Variants in NOTUM observed in about 807,000 individuals in gnomAD.
NOTUM encodes notum, palmitoleoyl-protein carboxylesterase, also known as palmitoleoyl-protein carboxylesterase NOTUM.
A neutral mutation model predicts 65.5 loss-of-function variants in NOTUM; 36 were observed. The observed-to-expected ratio is 0.55, with a 90% confidence interval of 0.42 to 0.73. The LOEUF is 0.73. NOTUM is among the 30% of genes least tolerant of loss of function. The pLI, the probability that NOTUM is intolerant of heterozygous loss-of-function variation, is 0.00. For missense variants in NOTUM, 659 were observed against 694.2 expected (o/e 0.95, Z 0.57); for synonymous variants, 356 against 297.9 (o/e 1.20, Z -2.01).
chr17:81,959,383 G>A, intron 3 of NOTUM, 88 bp downstream of exon 3: 1 of 1,021,450 alleles, frequency 9.8e-7, no homozygotes, highest in Non-Finnish European at 1.4e-6. Context: ...GATGTGCGGG[G>A]TGGGGGCCTG....
intron 5 of NOTUM, 140 bp downstream of exon 5, chr17:81,958,195 G>A (rs539690893): frequency 1.3e-5 from 9 of 671,618 alleles, no homozygotes; most frequent in South Asian, 1.0e-4. Context: ...GGCTTTGAAA[G>A]CACGACAAGG....
chr17:81,956,891 A>G lies in NOTUM; in HGVS notation c.879T>C (p.Arg293=). ...CCTCCCCGCTGCGGCACCTGATGCC[A>G]CGGCGGATGGCCTCCGTGGGCGCGC... ...ITCAPTEAIR[R]GIRYWNGVVP... is the part of the protein sequence containing the mutation. The change falls in exon 7 of 11, where the codon CGT becomes CGC. Residue 293 remains arginine (R), a synonymous_variant. Coordinates refer to ENST00000409678, the MANE Select transcript of NOTUM (RefSeq NM_178493.6). The G allele has an allele frequency of 1.2e-6, 2 of 1,609,908 alleles. No individual in the cohort carries two copies. The highest frequency in any genetic ancestry group is 1.7e-6 in the Non-Finnish European group (2 of 1,178,792).
rs2041396672 is a variant in NOTUM, at chr17:81,952,773, C to G, written c.*188G>C. 1.6e-6 allele frequency: 1 copy of G among 607,070 alleles called. No individual in the cohort carries two copies. Among genetic ancestry groups the G allele is most frequent in the African/African-American group, 1.8e-5 (1 of 54,152 alleles). The allele number at this position is 607,070 out of a possible 1,614,324, so 37.6% of individuals were successfully genotyped here. The stretch of plus-strand genomic sequence containing the variant: ...ATGGGGATGACAGCAGGTCCCTTGT[C>G]TCTGGCTGGGCTGTGGGAGAGGGGC... On this transcript the variant is annotated 3_prime_UTR_variant, in exon 11 of 11. Transcript: ENST00000409678.
rs976615367 is a variant in NOTUM at position 81,960,453 on chromosome 17, C to T, written c.323+134G>A. ...GAGAGTCACCGAACCGGGCACTCCT[C>T]GGGGCCAGGACCGCGGGGCGCCCGA... On this transcript the variant is annotated intron_variant, in intron 1 of 10. Transcript: ENST00000409678. This position sits in a 1 kb window ranked among gnomAD's most constrained non-coding sequence, Gnocchi z 6.4. 11 of 594,610 alleles carry T rather than the reference C, an allele frequency of 1.8e-5. No homozygotes were observed. The highest frequency in any genetic ancestry group is 2.8e-5 in the Non-Finnish European group (10 of 362,980). The allele number at this position is 594,610 out of a possible 1,614,324, so 36.8% of individuals were successfully genotyped here.
chr17:81,956,190 G>A (rs1007125762), intron 8 of NOTUM, among the ~76,000 whole-genome samples: 5 of 152,162 alleles, frequency 3.3e-5, no homozygotes, highest in South Asian at 4.1e-4. Flanking sequence ...GGTTCTCAGC[G>A]ACTCCACTTT....
At position 81,952,867 on chromosome 17, in the gene NOTUM, A is replaced by G; in HGVS notation, c.*94T>C. 8.7e-7 allele frequency: 1 copy of G among 1,149,904 alleles called. No individual in the cohort carries two copies. Among genetic ancestry groups the G allele is most frequent in the Non-Finnish European group, 1.3e-6 (1 of 786,148 alleles). 71.2% of individuals were successfully genotyped at this position (1,149,904 alleles called of 1,614,324 possible). On this transcript the variant is annotated 3_prime_UTR_variant, in exon 11 of 11. Coordinates refer to ENST00000409678, the MANE Select transcript of NOTUM (RefSeq NM_178493.6). The stretch of plus-strand genomic sequence containing the variant: ...GGGGACGGCTGGGGCCCTGTCCCGA[A>G]GAGACGGGAGGGCCTGCTGGTGGGG...
intron 8 of NOTUM, 124 bp from the exon 9 acceptor site, chr17:81,955,668 C>T (rs2041427537): frequency 1.2e-6 from 1 of 864,280 alleles, no homozygotes; most frequent in African/African-American, 1.9e-5. Flanking sequence ...CTCAGCACCC[C>T]CAGGCCCCTG....
rs562759519 is a variant in NOTUM, at chr17:81,960,264, C to T, written c.323+323G>A. On this transcript the variant is annotated intron_variant, in intron 1 of 10. Coordinates refer to ENST00000409678, the MANE Select transcript of NOTUM (RefSeq NM_178493.6). This position sits in a 1 kb window ranked among gnomAD's most constrained non-coding sequence, Gnocchi z 6.4. ...TGGGCAGCGGGCCTCTCCCCGCCCC[C>T]CGGTGTCGCCGGTTCCCGCTGGAGC... Among the ~76,000 whole-genome samples the T allele has an allele frequency of 6.6e-6, 1 of 152,310 alleles. No individual in the cohort carries two copies. The highest frequency in any genetic ancestry group is 2.1e-4 in the South Asian group (1 of 4,826).
At chr17:81,956,168 T>C (rs2041431925) in intron 8 of NOTUM, among the ~76,000 whole-genome samples, 1 of 152,216 alleles carries the variant, frequency 6.6e-6, no homozygotes, top group African/African-American at 2.4e-5. Flanking sequence ...AACCCCTCCA[T>C]GACCTTGGCC....
At chr17:81,959,173 C>CG (rs2041455516) in intron 3 of NOTUM, 178 bp from the exon 4 acceptor site, 1 of 635,888 alleles carries the variant, frequency 1.6e-6, no homozygotes, top group African/African-American at 1.8e-5. Context: ...TAGTTACCCC[C>CG]GGGAAGCCAC....
Position 81,960,990 on chromosome 17 carries a change from C to T in NOTUM, c.-81G>A. The T allele has an allele frequency of 1.3e-6, 1 of 747,732 alleles. No individual in the cohort carries two copies. The highest frequency in any genetic ancestry group is 1.7e-6 in the Non-Finnish European group (1 of 576,530). The allele number at this position is 747,732 out of a possible 1,614,324, so 46.3% of individuals were successfully genotyped here. On this transcript the variant is annotated 5_prime_UTR_variant, in exon 1 of 11. Coordinates refer to ENST00000409678, the MANE Select transcript of NOTUM (RefSeq NM_178493.6). This position sits in a 1 kb window ranked among gnomAD's most constrained non-coding sequence, Gnocchi z 6.4. Reference sequence around the variant, plus strand: ...GGGATGCCGGGCCGGGGGTGCCGGGCCGGGGGTGTCGGGGGCACTGGCCGC... The same window carrying T: ...GGGATGCCGGGCCGGGGGTGCCGGGTCGGGGGTGTCGGGGGCACTGGCCGC...
Position 81,952,848 on chromosome 17 carries a change from G to A in NOTUM, c.*113C>T, listed in dbSNP as rs557959553. 2.3e-5 allele frequency: 22 copies of A among 949,948 alleles called. No individual in the cohort carries two copies. Among genetic ancestry groups the A allele is most frequent in the Middle Eastern group, 2.7e-4 (1 of 3,656 alleles). The allele number at this position is 949,948 out of a possible 1,614,324, so 58.8% of individuals were successfully genotyped here. ...GTGGGCAGACCCAGACAGGGGGGACGGCTGGGGCCCTGTCCCGAAGAGACG... is the reference window on the plus strand; with the variant it reads ...GTGGGCAGACCCAGACAGGGGGGACAGCTGGGGCCCTGTCCCGAAGAGACG... On this transcript the variant is annotated 3_prime_UTR_variant, in exon 11 of 11. Coordinates refer to ENST00000409678, the MANE Select transcript of NOTUM (RefSeq NM_178493.6).
Position 81,957,090 on chromosome 17 carries a change from G to A in NOTUM, c.696-16C>T. ...GCCCCCCGCGCTGCAAGGAGGGCCA[G>A]ACGTGAGGCCAGGTGGCTGGGAAGA... On this transcript the variant is annotated splice_polypyrimidine_tract_variant and intron_variant, in intron 6 of 10. Coordinates refer to ENST00000409678, the MANE Select transcript of NOTUM (RefSeq NM_178493.6). 6.3e-7 allele frequency: 1 copy of A among 1,586,776 alleles called. No homozygotes were observed. Among genetic ancestry groups the A allele is most frequent in the Non-Finnish European group, 8.5e-7 (1 of 1,170,164 alleles).
At position 81,960,478 on chromosome 17, in the gene NOTUM, AC is replaced by A. The variant is rs1316110773; in HGVS notation, c.323+108del. 2.6e-6 allele frequency: 2 copies of A among 757,938 alleles called. No homozygotes were observed. The highest frequency in any genetic ancestry group is 3.7e-5 in the African/African-American group (2 of 53,704). The allele number at this position is 757,938 out of a possible 1,614,324, so 47.0% of individuals were successfully genotyped here. ...CGGGGCCAGGACCGCGGGGCGCCCGACGGAAGCCCTTTCTCCCCGGGGAGAG... is the reference window on the plus strand; with the variant it reads ...CGGGGCCAGGACCGCGGGGCGCCCGAGGAAGCCCTTTCTCCCCGGGGAGAG... On this transcript the variant is annotated intron_variant, in intron 1 of 10. Transcript: ENST00000409678. The surrounding 1 kb of genome is among the most constrained non-coding windows in gnomAD (Gnocchi z 6.4).
chr17:81,955,603 G>A (rs2041426971), intron 8 of NOTUM, 59 bp from the exon 9 acceptor site: 2 of 1,173,066 alleles, frequency 1.7e-6, no homozygotes, highest in Middle Eastern at 3.1e-4. Flanking sequence ...CCCCACCCCA[G>A]GCTCACAGCT....
At chr17:81,954,796 C>T (rs563386680) in intron 9 of NOTUM, among the ~76,000 whole-genome samples, 4 of 151,386 alleles carry the variant, frequency 2.6e-5, no homozygotes, top group Non-Finnish European at 5.9e-5. Context: ...TCTGTATGTG[C>T]AGTAGAGACA....
chr17:81,959,722 G>C, intron 1 of NOTUM, 30 bp from the exon 2 acceptor site: 1 of 1,349,274 alleles, frequency 7.4e-7, no homozygotes, highest in Non-Finnish European at 9.6e-7. Flanking sequence ...GCGGGGGGTC[G>C]GCCAGGGCTG....
intron 7 of NOTUM, 41 bp from the exon 8 acceptor site, chr17:81,956,791 C>T (rs756559107): frequency 3.1e-6 from 5 of 1,594,312 alleles, no homozygotes; most frequent in East Asian, 2.2e-5. Context: ...TGGGTCTCGT[C>T]CCCCGGGGCT....
In NOTUM at chr17:81,953,073, T is replaced by A. The variant is rs1019606326; in HGVS notation, c.1379A>T (p.Glu460Val). 1.2e-6 allele frequency: 2 copies of A among 1,613,840 alleles called. No individual in the cohort carries two copies. The highest frequency in any genetic ancestry group is 2.7e-5 in the African/African-American group (2 of 74,914). Residue 460 changes from glutamate to valine, a missense_variant, in exon 11 of 11, where the codon GAG becomes GTG. Physicochemically the swap from Glu to Val is moderately radical, Grantham distance 121. Coordinates refer to ENST00000409678, the MANE Select transcript of NOTUM (RefSeq NM_178493.6). Reference sequence around the variant, plus strand: ...CATGAGGAACTGGGCCACGTTCATCTCTTGCCCCGTGAACTGGTCTCGGAC... The same window carrying A: ...CATGAGGAACTGGGCCACGTTCATCACTTGCCCCGTGAACTGGTCTCGGAC... ...PTVRDQFTGQ[E>V]MNVAQFLMHM...
Sources: allele counts gnomAD v4.1 joint callset (sites outside exome capture counted in the v4.1 genomes callset), GRCh38; gene constraint gnomAD v4.1.1; non-coding constraint Gnocchi (gnomAD v3.1); transcripts MANE v1.5; gene names NCBI Gene and HGNC (gene_info 2026-07-23, HGNC 2026-07-21).